Variants in SUMF1 observed in about 807,000 individuals in gnomAD.
SUMF1 encodes formylglycine-generating enzyme.
SUMF1 carries 48 observed loss-of-function variants against 47.6 expected under a neutral mutation model. The observed-to-expected ratio is 1.01, with a 90% CI of 0.80 to 1.28. The LOEUF (loss-of-function observed/expected upper bound fraction) is 1.28, where lower values mean the gene tolerates loss of function less well. SUMF1 is among the 50% of genes most tolerant of loss of function. The pLI is 0.00. For missense variants in SUMF1, 571 were observed against 485.4 expected (o/e 1.18, Z -1.66); for synonymous variants, 230 against 192.1 (o/e 1.20, Z -1.63).
intron 8 of SUMF1, among the ~76,000 whole-genome samples, chr3:4,273,933 G>A (rs1697363162): frequency 6.7e-6 from 1 of 148,578 alleles, no homozygotes; most frequent in African/African-American, 2.5e-5. Context: ...AGGATATGGG[G>A]TTAAAATAAT....
intron 8 of SUMF1, among the ~76,000 whole-genome samples, chr3:4,296,216 T>C (rs191554092): frequency 6.6e-6 from 1 of 152,164 alleles, no homozygotes. Flanking sequence ...AATTTCTTAT[T>C]TTGTACTACT....
rs531077793 is a variant in SUMF1 at position 4,212,476 on chromosome 3, G to A, written c.1015-143731C>T. On this transcript the variant is annotated intron_variant and NMD_transcript_variant, in intron 8 of 12. Transcript: ENST00000448413. Reference sequence around the variant, plus strand: ...GGGGAGAAACAAGCACAAAAAGTCTGAAAATTCCAAAAACCAGAATGCCTC... The same window carrying A: ...GGGGAGAAACAAGCACAAAAAGTCTAAAAATTCCAAAAACCAGAATGCCTC... Among the ~76,000 whole-genome samples, 90 of 152,222 alleles carry A rather than the reference G, an allele frequency of 5.9e-4. No homozygotes were observed. The South Asian group carries it at 7.9e-3, about 13-fold the overall frequency.
At chr3:4,130,781 T>C (rs1693770514) in intron 8 of SUMF1, among the ~76,000 whole-genome samples, 1 of 152,090 alleles carries the variant, frequency 6.6e-6, no homozygotes, top group African/African-American at 2.4e-5. Context: ...CTCAATTAGG[T>C]GTATCACTCT....
chr3:4,176,952 A>C (rs199712987), intron 8 of SUMF1, among the ~76,000 whole-genome samples: 8 of 152,212 alleles, frequency 5.3e-5, no homozygotes, highest in African/African-American at 1.9e-4. Context: ...AGGCCATTAC[A>C]TAATGGTAAA....
At chr3:4,169,089 A>C (rs1047332928) in intron 8 of SUMF1, among the ~76,000 whole-genome samples, 43 of 152,298 alleles carry the variant, frequency 2.8e-4, no homozygotes, top group African/African-American at 1.0e-3. Flanking sequence ...AGTAAGGCAA[A>C]GATGTCTCTA....
At chr3:4,128,176 A>G (rs1665990216) in intron 8 of SUMF1, among the ~76,000 whole-genome samples, 1 of 152,160 alleles carries the variant, frequency 6.6e-6, no homozygotes. Context: ...TCTCCTGTAG[A>G]AAAAGCTAAA....
intron 8 of SUMF1, among the ~76,000 whole-genome samples, chr3:4,321,649 GATATAA>G (rs1217352246): frequency 2.0e-5 from 3 of 152,162 alleles, no homozygotes; most frequent in Non-Finnish European, 4.4e-5. Flanking sequence ...AGTCCATACT[GATATAA>G]ATAAATGATT....
downstream of SUMF1, among the ~76,000 whole-genome samples, chr3:4,358,973 G>GTTA (rs148273843): frequency 0.17 from 25,308 of 152,044 alleles, 5,166 homozygotes; most frequent in African/African-American, 0.48. Context: ...TGTTAGGATA[G>GTTA]TTATTTTGTT....
intron 8 of SUMF1, among the ~76,000 whole-genome samples, chr3:4,255,598 C>A (rs1251821955): frequency 9.5e-6 from 1 of 105,252 alleles, no homozygotes; most frequent in Non-Finnish European, 2.0e-5. Flanking sequence ...AACACAGGAG[C>A]ACCCAGATTC....
intron 8 of SUMF1, among the ~76,000 whole-genome samples, chr3:4,142,180 G>A (rs1399266837): frequency 1.3e-5 from 2 of 152,042 alleles, no homozygotes. Context: ...GCAAGGAATA[G>A]TTTGTCTGCT....
chr3:4,091,633 C>T (rs950233703), intron 8 of SUMF1, among the ~76,000 whole-genome samples: 2 of 151,980 alleles, frequency 1.3e-5, no homozygotes, highest in African/African-American at 4.8e-5. Flanking sequence ...ATGACTTTAA[C>T]AAAAATTCAT....
intron 8 of SUMF1, among the ~76,000 whole-genome samples, chr3:4,268,903 T>C (rs1697251420): frequency 6.6e-6 from 1 of 152,170 alleles, no homozygotes; most frequent in African/African-American, 2.4e-5. Context: ...TGTGTGTATA[T>C]ATACATATAT....
chr3:4,055,042 C>T (rs1244094450), intron 9 of SUMF1, among the ~76,000 whole-genome samples: 7 of 152,122 alleles, frequency 4.6e-5, no homozygotes, highest in Non-Finnish European at 8.8e-5. Context: ...TGGATGACTT[C>T]GCTAGTTCAC....
intron 8 of SUMF1, among the ~76,000 whole-genome samples, chr3:4,199,031 C>T (rs2125150411): frequency 6.6e-6 from 1 of 152,122 alleles, no homozygotes; most frequent in East Asian, 1.9e-4. Flanking sequence ...AAAATTCGAC[C>T]ACTTGAAGTT....
At chr3:4,416,554 T>C (rs887731594) in intron 6 of SUMF1, among the ~76,000 whole-genome samples, 5 of 152,252 alleles carry the variant, frequency 3.3e-5, no homozygotes, top group African/African-American at 9.6e-5. Context: ...GTTAAGAGCA[T>C]GGGCTTTGGA....
chr3:4,172,018 A>T (rs113649540), intron 8 of SUMF1, among the ~76,000 whole-genome samples: 171 of 152,184 alleles, frequency 1.1e-3, no homozygotes, highest in Non-Finnish European at 2.2e-3. Context: ...TGAAGGCAAT[A>T]TGACGGGTTG....
chr3:4,107,960 G>C (rs1381450629), intron 8 of SUMF1, among the ~76,000 whole-genome samples: 2 of 152,014 alleles, frequency 1.3e-5, no homozygotes, highest in East Asian at 1.9e-4. Flanking sequence ...AAGAAAGAAA[G>C]AGATAAGGAG....
At chr3:4,178,163 A>C (rs1695010163) in intron 8 of SUMF1, among the ~76,000 whole-genome samples, 1 of 152,192 alleles carries the variant, frequency 6.6e-6, no homozygotes, top group Non-Finnish European at 1.5e-5. Flanking sequence ...TCAATAGAAA[A>C]AGAGGGAATC....
At chr3:4,373,919 T>G (rs1004660573) in intron 8 of SUMF1, among the ~76,000 whole-genome samples, 11 of 152,020 alleles carry the variant, frequency 7.2e-5, no homozygotes, top group African/African-American at 2.7e-4. Context: ...TATGAACAGA[T>G]AGAAAAAGCA....
Sources: allele counts gnomAD v4.1 joint callset (sites outside exome capture counted in the v4.1 genomes callset), GRCh38; gene constraint gnomAD v4.1.1; transcripts MANE v1.5; gene names NCBI Gene and HGNC (gene_info 2026-07-23, HGNC 2026-07-21).